Variants in ZAP70 observed in about 807,000 individuals in gnomAD.
ZAP70 encodes zeta chain of T cell receptor associated protein kinase 70.
In ZAP70, 27 loss-of-function variants were observed where a neutral mutation model predicts 65.8. The ratio of observed to expected loss-of-function variants is 0.41; its 90% CI spans 0.30 to 0.57. The LOEUF (loss-of-function observed/expected upper bound fraction) is 0.57, where lower values mean the gene tolerates loss of function less well. Among genes scored for constraint, ZAP70 ranks in the 20% least tolerant of loss-of-function variants. ZAP70 has a pLI of 0.28. For missense variants in ZAP70, 696 were observed against 870.5 expected (o/e 0.80, Z 2.52); for synonymous variants, 363 against 360.8 (o/e 1.01, Z -0.07).
At chr2:97,719,687 G>A (rs561480597) in intron 2 of ZAP70, among the ~76,000 whole-genome samples, 1 of 152,060 alleles carries the variant, frequency 6.6e-6, no homozygotes, top group African/African-American at 2.4e-5. Flanking sequence ...GTATCTTCCA[G>A]TTCCTTTCCC....
chr2:97,722,155 A>G (rs1004669802), intron 2 of ZAP70, among the ~76,000 whole-genome samples: 10 of 151,584 alleles, frequency 6.6e-5, no homozygotes, highest in African/African-American at 2.2e-4. Context: ...ATCTCGGCTC[A>G]ATGGAATCTC....
downstream of ZAP70, among the ~76,000 whole-genome samples, chr2:97,744,273 A>T (rs547113175): frequency 6.6e-6 from 1 of 152,246 alleles, no homozygotes; most frequent in South Asian, 2.1e-4. Context: ...GAGCTGGGAG[A>T]ATGGCCTCTA....
At chr2:97,733,761 G>C (rs1483774726) in intron 8 of ZAP70, 166 bp downstream of exon 8, 1 of 799,506 alleles carries the variant, frequency 1.3e-6, no homozygotes, top group East Asian at 2.6e-5. Context: ...CATCACACCT[G>C]CCTGTGCACA....
At chr2:97,728,271 G>A (rs758131768) in intron 4 of ZAP70, among the ~76,000 whole-genome samples, 2 of 152,206 alleles carry the variant, frequency 1.3e-5, no homozygotes, top group Non-Finnish European at 1.5e-5. Flanking sequence ...TAGGACAAGC[G>A]TTGGCGGTGG....
At chr2:97,724,642 A>T in intron 3 of ZAP70, 2 of 1,531,692 alleles carry the variant, frequency 1.3e-6, no homozygotes, top group Non-Finnish European at 1.7e-6. Context: ...CGCCTTCCGC[A>T]GGCTGAGCGA....
At chr2:97,723,666 C>G (rs950599242) in intron 2 of ZAP70, among the ~76,000 whole-genome samples, 1 of 152,242 alleles carries the variant, frequency 6.6e-6, no homozygotes, top group East Asian at 1.9e-4. Context: ...CCGCGCCTGC[C>G]TCAAGCGTGC....
chr2:97,720,931 A>C (rs1162094001), intron 2 of ZAP70, among the ~76,000 whole-genome samples: 3 of 152,266 alleles, frequency 2.0e-5, no homozygotes, highest in African/African-American at 7.2e-5. Flanking sequence ...CTGGACACCC[A>C]GGGCAGAGGG....
chr2:97,738,092 A>G lies in ZAP70; in HGVS notation c.1721A>G (p.Asp574Gly). 6.2e-7 allele frequency: 1 copy of G among 1,603,488 alleles called. No individual in the cohort carries two copies. Among genetic ancestry groups the G allele is most frequent in the Non-Finnish European group, 8.5e-7 (1 of 1,174,844 alleles). Residue 574 changes from aspartate (D) to glycine (G), a missense_variant, in exon 13 of 14, where the codon GAC (aspartate) becomes GGC (glycine). Physicochemically the swap from Asp to Gly is moderately conservative, Grantham distance 94. This residue lies in a region of ZAP70 where 78 missense variants were observed against 88.6 expected (regional missense o/e 0.88). Transcript: ENST00000264972. ...CCCGAACTGTACGCACTCATGAGTG[A>G]CTGCTGGATCTACAAGTGAGTGCCA... ...CPPELYALMS[D>G]CWIYKWEDRP...
chr2:97,745,923 A>C, the ZAP70 span, among the ~76,000 whole-genome samples: 472 of 152,384 alleles, frequency 3.1e-3, 5 homozygotes, highest in African/African-American at 0.011. Context: ...TCAAATGATG[A>C]ATGGATAAAC....
In ZAP70 at chr2:97,724,366, G is replaced by A. The variant is rs1021105226; in HGVS notation, c.330G>A (p.Pro110=). 8 of 1,544,572 alleles carry A rather than the reference G, an allele frequency of 5.2e-6. No individual in the cohort carries two copies. Among genetic ancestry groups the A allele is most frequent in the Non-Finnish European group, 6.1e-6 (7 of 1,145,024 alleles). ...KPCNRPSGLE[P]QPGVFDCLRD... ...GCAACCGGCCGTCGGGCCTCGAGCC[G>A]CAGCCGGGGGTCTTCGACTGCCTGC... The change falls in exon 3 of 14, where the codon CCG becomes CCA. Residue 110 remains proline, a synonymous_variant. Coordinates refer to ENST00000264972, the MANE Select transcript of ZAP70 (RefSeq NM_001079.4).
intron 8 of ZAP70, chr2:97,733,828 C>T (rs929352111): frequency 1.7e-6 from 1 of 605,554 alleles, no homozygotes; most frequent in Non-Finnish European, 3.0e-6. Context: ...GCCTGAGGCT[C>T]CCCAGACACA....
chr2:97,730,453 TCTC>T (rs2104680041), intron 4 of ZAP70, among the ~76,000 whole-genome samples: 1 of 152,252 alleles, frequency 6.6e-6, no homozygotes, highest in African/African-American at 2.4e-5. Flanking sequence ...GTGCCTTGGT[TCTC>T]CTCCATGGGC....
chr2:97,738,901 G>A (rs1371065376), intron 13 of ZAP70, among the ~76,000 whole-genome samples: 2 of 152,120 alleles, frequency 1.3e-5, no homozygotes, highest in African/African-American at 2.4e-5. Flanking sequence ...CCCATGCACA[G>A]TACCGTTAAT....
chr2:97,732,749 C>A, intron 4 of ZAP70, 134 bp from the exon 5 acceptor site: 1 of 1,348,934 alleles, frequency 7.4e-7, no homozygotes, highest in Non-Finnish European at 1.0e-6. Context: ...CCTGGCCTGG[C>A]TTCCCCAGTC....
At chr2:97,735,578 C>A in intron 10 of ZAP70, 122 bp downstream of exon 10, 1 of 1,182,678 alleles carries the variant, frequency 8.5e-7, no homozygotes, top group Non-Finnish European at 1.2e-6. Flanking sequence ...CCATCGTGGA[C>A]ACACTCTCAG....
chr2:97,747,444 A>G, the ZAP70 span, among the ~76,000 whole-genome samples: 1 of 152,358 alleles, frequency 6.6e-6, no homozygotes, highest in South Asian at 2.1e-4. Context: ...GACTTTACCG[A>G]GGTGACAGGA....
downstream of ZAP70, among the ~76,000 whole-genome samples, chr2:97,743,670 T>C (rs974841636): frequency 5.9e-5 from 9 of 152,246 alleles, no homozygotes; most frequent in Non-Finnish European, 5.9e-5. Flanking sequence ...TTCCCTTCTT[T>C]ATCTCTTTGA....
chr2:97,732,784 G>A, intron 4 of ZAP70, 99 bp from the exon 5 acceptor site: 1 of 1,541,120 alleles, frequency 6.5e-7, no homozygotes, highest in Non-Finnish European at 8.8e-7. Context: ...GCAAGGCTCT[G>A]AGGTGTGGAG....
rs201709335 is a variant in ZAP70, at chr2:97,739,695, C to T, written c.*197C>T. Reference sequence around the variant, plus strand: ...TCTCTGGCTGGGGAGCAGGGAGGTCCGGGAGGGTGCGGCTGTGCAGCCTGT... The same window carrying T: ...TCTCTGGCTGGGGAGCAGGGAGGTCTGGGAGGGTGCGGCTGTGCAGCCTGT... On this transcript the variant is annotated 3_prime_UTR_variant, in exon 14 of 14. Coordinates refer to ENST00000264972, the MANE Select transcript of ZAP70 (RefSeq NM_001079.4). 2.1e-5 allele frequency: 18 copies of T among 858,192 alleles called. No individual in the cohort carries two copies. The highest frequency in any genetic ancestry group is 3.4e-5 in the African/African-American group (2 of 59,326). 53.2% of individuals were successfully genotyped at this position (858,192 alleles called of 1,614,324 possible).
Sources: gnomAD v4.1 joint callset for allele counts (sites outside exome capture counted in the v4.1 genomes callset) on GRCh38, gnomAD v4.1.1 for gene constraint, gnomAD v4.1.1 regional missense constraint, MANE v1.5 for transcripts, NCBI Gene and HGNC (gene_info 2026-07-23, HGNC 2026-07-21) for gene names.